Variants in CCDC61 observed in about 807,000 individuals in gnomAD.
CCDC61 encodes centrosomal protein CCDC61.
CCDC61 carries 55 observed loss-of-function variants against 63.0 expected under a neutral mutation model. The ratio of observed to expected loss-of-function variants is 0.87; its 90% CI spans 0.70 to 1.09. The LOEUF (loss-of-function observed/expected upper bound fraction) is 1.09, where lower values mean the gene tolerates loss of function less well. Among genes scored for constraint, CCDC61 ranks in the 50% least tolerant of loss-of-function variants. The pLI, the probability that CCDC61 is intolerant of heterozygous loss-of-function variation, is 0.00. For missense variants in CCDC61, 651 were observed against 731.4 expected (o/e 0.89, Z 1.27); for synonymous variants, 270 against 317.0 (o/e 0.85, Z 1.58).
intron 5 of CCDC61, among the ~76,000 whole-genome samples, chr19:46,013,260 G>A (rs551517649): frequency 3.9e-5 from 6 of 152,024 alleles, no homozygotes; most frequent in African/African-American, 1.4e-4. Flanking sequence ...ATGACCTCAG[G>A]TGATCTGCCT....
rs1968940189 is a variant in CCDC61, at chr19:46,016,526, C to T, written c.1091+133C>T. On this transcript the variant is annotated intron_variant, in intron 9 of 13. Transcript: ENST00000595358. The surrounding 1 kb of genome is among the most constrained non-coding windows in gnomAD (Gnocchi z 7.2). Reference sequence around the variant, plus strand: ...CTTCTCGCCGGATACCCCGCCTGCTCTCCCTTCCGTCCGTCCTACCTCCTC... The same window carrying T: ...CTTCTCGCCGGATACCCCGCCTGCTTTCCCTTCCGTCCGTCCTACCTCCTC... 1.5e-6 allele frequency: 2 copies of T among 1,371,608 alleles called. No homozygotes were observed. The highest frequency in any genetic ancestry group is 2.0e-5 in the Admixed American group (1 of 49,030). 85.0% of individuals were successfully genotyped at this position (1,371,608 alleles called of 1,614,324 possible).
At chr19:45,998,246 G>A (rs1692018917) in intron 1 of CCDC61, among the ~76,000 whole-genome samples, 1 of 152,246 alleles carries the variant, frequency 6.6e-6, no homozygotes, top group Non-Finnish European at 1.5e-5. Flanking sequence ...GCGCCCAAGG[G>A]CAGAAGGAAC....
intron 3 of CCDC61, among the ~76,000 whole-genome samples, chr19:46,003,833 G>A (rs1968642611): frequency 6.7e-6 from 1 of 148,650 alleles, no homozygotes; most frequent in Non-Finnish European, 1.5e-5. Flanking sequence ...GTGTGTGTGT[G>A]TGTGTGTGTG....
At position 46,015,205 on chromosome 19, in the gene CCDC61, C is replaced by T. The variant is rs373328644; in HGVS notation, c.708C>T (p.Leu236=). The T allele has an allele frequency of 7.0e-6, 9 of 1,292,874 alleles. No individual in the cohort carries two copies. The highest frequency in any genetic ancestry group is 5.9e-4 in the Middle Eastern group (2 of 3,378). 80.1% of individuals were successfully genotyped at this position (1,292,874 alleles called of 1,614,324 possible). Residue 236 remains leucine (L), a synonymous_variant, in exon 6 of 14, where the codon CTC becomes CTT. Coordinates refer to ENST00000595358, the MANE Select transcript of CCDC61 (RefSeq NM_001267723.2). The surrounding 1 kb of genome is among the most constrained non-coding windows in gnomAD (Gnocchi z 5.3). The part of the protein sequence containing the change: ...LELELRQERG[L]GHRVAGRRGQ... ...TGGAGCTGCGGCAGGAGCGCGGCCTCGGGCACAGGGTGGCCGGCCGTCGCG... is the reference window on the plus strand; with the variant it reads ...TGGAGCTGCGGCAGGAGCGCGGCCTTGGGCACAGGGTGGCCGGCCGTCGCG...
Position 46,016,657 on chromosome 19 carries a change from G to A in CCDC61, c.1092-37G>A. The A allele has an allele frequency of 1.9e-6, 3 of 1,608,916 alleles. No homozygotes were observed. The highest frequency in any genetic ancestry group is 2.5e-6 in the Non-Finnish European group (3 of 1,177,992). ...AGTGACCCCCTTGCCTGCAGGAGTT[G>A]GGCGTACAGACCGGCGTCTCCTTTC... On this transcript the variant is annotated intron_variant, in intron 9 of 13. Transcript: ENST00000595358. The surrounding 1 kb of genome is among the most constrained non-coding windows in gnomAD (Gnocchi z 7.2).
At chr19:46,017,405 G>C (rs1220107613) in intron 12 of CCDC61, 101 bp downstream of exon 12, 12 of 1,073,612 alleles carry the variant, frequency 1.1e-5, no homozygotes, top group Middle Eastern at 4.1e-4. Flanking sequence ...GAATGCCTTT[G>C]GCAATAGGGC....
intron 1 of CCDC61, among the ~76,000 whole-genome samples, chr19:46,001,434 C>T (rs1020474550): frequency 2.6e-5 from 4 of 152,140 alleles, no homozygotes; most frequent in African/African-American, 7.2e-5. Flanking sequence ...ACCATGTTGG[C>T]GAGGCCGGTC....
rs1035730021 is a variant in CCDC61, at chr19:46,018,334, G to T, written c.1486G>T (p.Ala496Ser). 3.2e-6 allele frequency: 5 copies of T among 1,576,988 alleles called. No homozygotes were observed. The highest frequency in any genetic ancestry group is 4.3e-6 in the Non-Finnish European group (5 of 1,161,814). The part of the protein sequence containing the change: ...HQAADMAEID[A>S]RLKALQEYMN... ...GGCGGCTGACATGGCCGAAATAGAC[G>T]CACGCCTGAAGGCCTTGCAGGAGTA... The change falls in exon 14 of 14, where the codon GCA becomes TCA. Residue 496 changes from alanine to serine, a missense_variant. Coordinates refer to ENST00000595358, the MANE Select transcript of CCDC61 (RefSeq NM_001267723.2). This position sits in a 1 kb window ranked among gnomAD's most constrained non-coding sequence, Gnocchi z 4.2.
chr19:45,997,553 G>C (rs1053820771), intron 1 of CCDC61, among the ~76,000 whole-genome samples: 2 of 151,992 alleles, frequency 1.3e-5, no homozygotes, highest in Non-Finnish European at 2.9e-5. Flanking sequence ...AGCATGCCCA[G>C]CTAATTTTTA....
rs377508784 is a variant in CCDC61, at chr19:46,006,620, G to T, written c.293G>T (p.Arg98Leu). 6.2e-7 allele frequency: 1 copy of T among 1,613,670 alleles called. No individual in the cohort carries two copies. Among genetic ancestry groups the T allele is most frequent in the Non-Finnish European group, 8.5e-7 (1 of 1,179,730 alleles). The change falls in exon 4 of 14, where the codon CGC (arginine) becomes CTC (leucine). Residue 98 changes from arginine to leucine, a missense_variant. Physicochemically the swap from Arg to Leu is moderately radical, Grantham distance 102. Transcript: ENST00000595358. ...TYTDLESLRN[R>L]KMGGRPGSLA... Reference sequence around the variant, plus strand: ...ACAGACCTGGAGTCCCTGCGGAACCGCAAGATGGGGGGCCGCCCAGGCTCC... The same window carrying T: ...ACAGACCTGGAGTCCCTGCGGAACCTCAAGATGGGGGGCCGCCCAGGCTCC...
Position 46,015,572 on chromosome 19 carries a change from C to G in CCDC61, c.845+145C>G. ...AAGGGGAGGCGGGGCTTAGCGGACC[C>G]CGTCTGGAGTCCAGACAGGATTTGG... is the stretch of plus-strand genomic sequence containing the variant. On this transcript the variant is annotated intron_variant, in intron 7 of 13. Coordinates refer to ENST00000595358, the MANE Select transcript of CCDC61 (RefSeq NM_001267723.2). The surrounding 1 kb of genome is among the most constrained non-coding windows in gnomAD (Gnocchi z 5.3). 1.3e-6 allele frequency: 1 copy of G among 755,352 alleles called. No individual in the cohort carries two copies. Among genetic ancestry groups the G allele is most frequent in the South Asian group, 1.9e-5 (1 of 53,840 alleles). 46.8% of individuals were successfully genotyped at this position (755,352 alleles called of 1,614,324 possible).
At position 46,016,800 on chromosome 19, in the gene CCDC61, G is replaced by T. The variant is rs1344929776; in HGVS notation, c.1198G>T (p.Ala400Ser). 3.9e-6 allele frequency: 6 copies of T among 1,525,880 alleles called. No individual in the cohort carries two copies. Among genetic ancestry groups the T allele is most frequent in the Non-Finnish European group, 5.3e-6 (6 of 1,136,228 alleles). The allele number at this position is 1,525,880 out of a possible 1,614,324, so 94.5% of individuals were successfully genotyped here. ...PPAALTGRGD[A>S]PNRSRNRSSS... is the part of the protein sequence containing the mutation. ...TGCTGCCTTGACTGGCCGAGGGGAC[G>T]CCCCTAACCGCTCCCGAAACCGCAG... The change falls in exon 10 of 14, where the codon GCC becomes TCC. Residue 400 changes from alanine to serine, a missense_variant. Transcript: ENST00000595358. The surrounding 1 kb of genome is among the most constrained non-coding windows in gnomAD (Gnocchi z 7.2).
At chr19:46,006,805 C>A in intron 4 of CCDC61, 89 bp downstream of exon 4, 1 of 1,234,070 alleles carries the variant, frequency 8.1e-7, no homozygotes, top group East Asian at 2.4e-5. Context: ...GGCACCCAGG[C>A]AAGGTGATAT....
chr19:46,003,340 A>G (rs1968629255), intron 2 of CCDC61, 79 bp from the exon 3 acceptor site: 3 of 1,462,692 alleles, frequency 2.1e-6, no homozygotes, highest in Non-Finnish European at 2.8e-6. Flanking sequence ...GGAGTCGGGT[A>G]GAATTGCAGA....
At position 46,006,649 on chromosome 19, in the gene CCDC61, GC is replaced by G. The variant is rs1968717094; in HGVS notation, c.327del (p.Arg110GlyfsTer11). ...GATGGGGGGCCGCCCAGGCTCCTTG[GC>G]CCCCAGGTCGGCCCAGCTCAACTCC... The part of the protein sequence containing the change: ...RKMGGRPGSL[A>X]PRSAQLNSKR... On this transcript the variant is annotated frameshift_variant, in exon 4 of 14. Transcript: ENST00000595358. LOFTEE classifies it high-confidence loss of function. 6.2e-7 allele frequency: 1 copy of G among 1,613,666 alleles called. No homozygotes were observed. The highest frequency in any genetic ancestry group is 8.5e-7 in the Non-Finnish European group (1 of 1,179,802).
chr19:46,012,872 G>C (rs1254481466), intron 5 of CCDC61, among the ~76,000 whole-genome samples: 2 of 145,574 alleles, frequency 1.4e-5, no homozygotes, highest in African/African-American at 2.6e-5. Flanking sequence ...TTTTTTAAGA[G>C]ACAGAGTCTT....
At chr19:46,009,612 G>A (rs952439783) in intron 5 of CCDC61, among the ~76,000 whole-genome samples, 5 of 152,202 alleles carry the variant, frequency 3.3e-5, no homozygotes, top group African/African-American at 1.2e-4. Flanking sequence ...TGTTTCCCCA[G>A]CTGTTTGCAC....
chr19:46,006,676 A>G lies in CCDC61; in HGVS notation c.349A>G (p.Lys117Glu). 1 of 1,613,602 alleles carries G rather than the reference A, an allele frequency of 6.2e-7. No homozygotes were observed. The highest frequency in any genetic ancestry group is 8.5e-7 in the Non-Finnish European group (1 of 1,179,722). ...CCCCAGGTCGGCCCAGCTCAACTCCAAGCGCTACCTGATCCTCATCTACTC... is the reference window on the plus strand; with the variant it reads ...CCCCAGGTCGGCCCAGCTCAACTCCGAGCGCTACCTGATCCTCATCTACTC... ...LAPRSAQLNS[K>E]RYLILIYSVE... Residue 117 changes from lysine (K) to glutamate (E), a missense_variant, in exon 4 of 14, where the codon AAG (lysine) becomes GAG (glutamate). Physicochemically the swap from Lys to Glu is moderately conservative, Grantham distance 56. Transcript: ENST00000595358.
At chr19:46,000,875 T>C (rs1213632211) in intron 1 of CCDC61, among the ~76,000 whole-genome samples, 1 of 43,004 alleles carries the variant, frequency 2.3e-5, no homozygotes, top group African/African-American at 9.1e-5. Context: ...CTTCGCGGGG[T>C]GGGTATGGGG....
Sources: allele counts gnomAD v4.1 joint callset (sites outside exome capture counted in the v4.1 genomes callset), GRCh38; gene constraint gnomAD v4.1.1; non-coding constraint Gnocchi (gnomAD v3.1); transcripts MANE v1.5; gene names NCBI Gene and HGNC (gene_info 2026-07-23, HGNC 2026-07-21).